Variants in HAO1 observed in about 807,000 individuals in gnomAD.
HAO1 encodes hydroxyacid oxidase 1.
A neutral mutation model predicts 39.7 loss-of-function variants in HAO1; 34 were observed. That is an observed-to-expected ratio of 0.86 (90% CI 0.65 to 1.14). The LOEUF (loss-of-function observed/expected upper bound fraction) is 1.14. HAO1 is among the 50% of genes most tolerant of loss of function. The pLI is 0.00. For missense variants in HAO1, 479 were observed against 464.5 expected, an observed-to-expected ratio of 1.03 and a Z score of -0.29; for synonymous variants, 172 against 173.2, an observed-to-expected ratio of 0.99 and a Z score of 0.05.
intron 2 of HAO1, among the ~76,000 whole-genome samples, chr20:7,928,165 G>A (rs539242315): frequency 1.9e-4 from 29 of 152,222 alleles, no homozygotes; most frequent in African/African-American, 7.0e-4. Context: ...CTCTCCTATA[G>A]ACCAAGAATG....
At position 7,938,298 on chromosome 20, in the gene HAO1, C is replaced by T. The variant is rs144553797; in HGVS notation, c.137+1988G>A. Among the ~76,000 whole-genome samples the T allele has an allele frequency of 3.5e-4, 54 of 152,118 alleles. No individual in the cohort carries two copies. The East Asian group carries it at 9.7e-3, about 27-fold the overall frequency. ...GCGAGTCATACAGCAAAAGAGGACA[C>T]ATTGCAAAATGTATTGCAATAAAAA... On this transcript the variant is annotated intron_variant, in intron 1 of 7. Coordinates refer to ENST00000378789, the MANE Select transcript of HAO1 (RefSeq NM_017545.3).
rs147445577 is a variant in HAO1, at chr20:7,883,962, G to A, written c.1043-299C>T. ...TGTAGCAAATTAAAATGCATAGTGA[G>A]GATTCACAGAATGGCATTCTTCTTG... On this transcript the variant is annotated intron_variant, in intron 7 of 7. Transcript: ENST00000378789. Among the ~76,000 whole-genome samples, 25 of 152,272 alleles carry A rather than the reference G, an allele frequency of 1.6e-4. 1 individual carries two copies. Among genetic ancestry groups the A allele is most frequent in the African/African-American group, 5.8e-4 (24 of 41,562 alleles).
At chr20:7,935,324 C>T (rs752927090) in intron 1 of HAO1, among the ~76,000 whole-genome samples, 3 of 152,180 alleles carry the variant, frequency 2.0e-5, no homozygotes, top group Non-Finnish European at 4.4e-5. Flanking sequence ...CAAACATTCA[C>T]GTACAGGTTC....
intron 2 of HAO1, among the ~76,000 whole-genome samples, chr20:7,930,222 C>T (rs531233888): frequency 2.6e-5 from 4 of 151,768 alleles, no homozygotes; most frequent in Admixed American, 1.3e-4. Flanking sequence ...GAATGCTTAG[C>T]GGCCAGATAT....
At chr20:7,927,053 T>C (rs2050362515) in intron 2 of HAO1, among the ~76,000 whole-genome samples, 1 of 152,108 alleles carries the variant, frequency 6.6e-6, no homozygotes, top group Non-Finnish European at 1.5e-5. Context: ...CTTTTTGATT[T>C]CTCATGTTTA....
At chr20:7,922,170 T>A (rs146222421) in intron 2 of HAO1, among the ~76,000 whole-genome samples, 33 of 152,128 alleles carry the variant, frequency 2.2e-4, no homozygotes, top group African/African-American at 7.0e-4. Flanking sequence ...AAAGAAGAGA[T>A]ATAAATGGCC....
chr20:7,895,228 G>A lies in HAO1; in HGVS notation c.722-4C>T, dbSNP rs780359479. The A allele has an allele frequency of 1.5e-5, 24 of 1,594,604 alleles. No individual in the cohort carries two copies. The highest frequency in any genetic ancestry group is 8.3e-5 in the Admixed American group (5 of 59,932). On this transcript the variant is annotated splice_polypyrimidine_tract_variant and splice_region_variant and intron_variant, in intron 4 of 7. Coordinates refer to ENST00000378789, the MANE Select transcript of HAO1 (RefSeq NM_017545.3). ...ACAGCCTCCCTGGCATCATCACCTGGAGAGAGTAAAACAAGCACCTTAGGG... is the reference window on the plus strand; with the variant it reads ...ACAGCCTCCCTGGCATCATCACCTGAAGAGAGTAAAACAAGCACCTTAGGG...
intron 5 of HAO1, among the ~76,000 whole-genome samples, chr20:7,891,811 T>C (rs560676024): frequency 3.1e-4 from 47 of 152,276 alleles, no homozygotes; most frequent in Admixed American, 7.8e-4. Flanking sequence ...AAAATCTAGT[T>C]AGATTTGATT....
intron 3 of HAO1, among the ~76,000 whole-genome samples, chr20:7,906,900 T>G (rs770727138): frequency 1.3e-5 from 2 of 152,232 alleles, no homozygotes; most frequent in Non-Finnish European, 2.9e-5. Context: ...TCCCTTGACT[T>G]CATTCCTAAC....
chr20:7,893,854 G>A (rs540377204), intron 5 of HAO1, among the ~76,000 whole-genome samples: 10 of 152,188 alleles, frequency 6.6e-5, no homozygotes, highest in African/African-American at 1.4e-4. Flanking sequence ...GCAATTCCCC[G>A]TCTTGATAAA....
chr20:7,906,436 C>A (rs758141038), intron 3 of HAO1, 107 bp from the exon 4 acceptor site: 2 of 669,750 alleles, frequency 3.0e-6, no homozygotes, highest in Non-Finnish European at 5.3e-6. Flanking sequence ...TGGCTGTTCA[C>A]TGCTCATTTA....
chr20:7,938,012 G>A (rs553401568), intron 1 of HAO1, among the ~76,000 whole-genome samples: 62 of 152,216 alleles, frequency 4.1e-4, no homozygotes, highest in African/African-American at 1.4e-3. Flanking sequence ...AAGCTGTCAC[G>A]GTGAATGACC....
At chr20:7,911,164 A>G (rs890657659) in intron 3 of HAO1, among the ~76,000 whole-genome samples, 1 of 152,208 alleles carries the variant, frequency 6.6e-6, no homozygotes, top group Non-Finnish European at 1.5e-5. Context: ...GGCAGAGGTC[A>G]TGGAGACCTA....
At chr20:7,936,547 TTCG>T (rs2050412004) in intron 1 of HAO1, among the ~76,000 whole-genome samples, 84 of 136,738 alleles carry the variant, frequency 6.1e-4, no homozygotes, top group African/African-American at 2.3e-3. Flanking sequence ...TGTGTGTGTG[TTCG>T]CGCGCGCGCG....
At chr20:7,938,044 G>A (rs1240971466) in intron 1 of HAO1, among the ~76,000 whole-genome samples, 3 of 152,152 alleles carry the variant, frequency 2.0e-5, no homozygotes, top group Non-Finnish European at 4.4e-5. Flanking sequence ...TTGCGAGATG[G>A]GGAGGTGTAT....
At chr20:7,886,112 G>A (rs1364477710) in intron 5 of HAO1, among the ~76,000 whole-genome samples, 2 of 151,926 alleles carry the variant, frequency 1.3e-5, no homozygotes, top group Non-Finnish European at 2.9e-5. Context: ...CTTTTTTTCT[G>A]TTTCTTATAT....
chr20:7,904,416 C>T (rs2050237966), intron 4 of HAO1, among the ~76,000 whole-genome samples: 1 of 152,228 alleles, frequency 6.6e-6, no homozygotes, highest in Admixed American at 6.5e-5. Flanking sequence ...TTCTCAGCCA[C>T]TTTAAAGTCT....
chr20:7,924,135 A>G (rs2050347899), intron 2 of HAO1, among the ~76,000 whole-genome samples: 1 of 152,044 alleles, frequency 6.6e-6, no homozygotes, highest in Admixed American at 6.6e-5. Context: ...TGTTCGCATA[A>G]TGGCCCCTCA....
chr20:7,908,044 C>T (rs2050256768), intron 3 of HAO1, among the ~76,000 whole-genome samples: 1 of 152,050 alleles, frequency 6.6e-6, no homozygotes, highest in Admixed American at 6.6e-5. Context: ...CTCTTTCTTC[C>T]CCTCCACCAG....
Sources: gnomAD v4.1 joint callset for allele counts (sites outside exome capture counted in the v4.1 genomes callset) on GRCh38, gnomAD v4.1.1 for gene constraint, MANE v1.5 for transcripts, NCBI Gene and HGNC (gene_info 2026-07-23, HGNC 2026-07-21) for gene names.